The following ZDHHC6 variants were observed in gnomAD, a reference collection of about 807,000 sequenced individuals.
The protein encoded by ZDHHC6 is palmitoyltransferase ZDHHC6.
Under a neutral mutation model 57.8 loss-of-function variants are expected in ZDHHC6, and 32 were observed. The observed-to-expected ratio is 0.55, with a 90% CI of 0.42 to 0.74. The LOEUF (loss-of-function observed/expected upper bound fraction) is 0.74. ZDHHC6 is among the 30% of genes least tolerant of loss of function. The pLI is 0.00. For missense variants in ZDHHC6, 433 were observed against 500.7 expected (o/e 0.86, Z 1.29); for synonymous variants, 128 against 158.0 (o/e 0.81, Z 1.42).
At chr10:112,438,914 T>C (rs1225027950) in intron 5 of ZDHHC6, among the ~76,000 whole-genome samples, 1 of 152,226 alleles carries the variant, frequency 6.6e-6, no homozygotes, top group Non-Finnish European at 1.5e-5. Context: ...TCCACATATA[T>C]AGGCTTTTAT....
At chr10:112,439,460 G>A (rs1039072966) in intron 5 of ZDHHC6, among the ~76,000 whole-genome samples, 8 of 151,134 alleles carry the variant, frequency 5.3e-5, no homozygotes, top group African/African-American at 9.7e-5. Flanking sequence ...GTGAAACCCC[G>A]TCTCCACTAA....
At chr10:112,447,098 T>G, upstream of ZDHHC6, 4 of 454,224 alleles carry the variant, frequency 8.8e-6, no homozygotes, top group Non-Finnish European at 8.2e-6. Flanking sequence ...TTCATACGCT[T>G]TTCTGGGGGG....
rs1450130067 is a variant in ZDHHC6, at chr10:112,439,090, G to C, written c.682-701C>G. ...TAAAGTCTGGCTGTGCCTTCAGAGA[G>C]ACAGTGTAGTATGTTAGAAACAGCC... On this transcript the variant is annotated intron_variant, in intron 5 of 10. Coordinates refer to ENST00000369405, the MANE Select transcript of ZDHHC6 (RefSeq NM_022494.3). 3.9e-5 allele frequency among the ~76,000 whole-genome samples: 6 copies of C among 152,298 alleles called. No individual in the cohort carries two copies. In the South Asian group the frequency reaches 8.3e-4, roughly 21 times the overall value.
intron 8 of ZDHHC6, among the ~76,000 whole-genome samples, chr10:112,433,034 A>T (rs1238279564): frequency 1.3e-5 from 2 of 152,232 alleles, no homozygotes; most frequent in Admixed American, 6.5e-5. Context: ...TTGGCAATAT[A>T]AATGGACTAA....
At chr10:112,425,559 T>C (rs1436450038), downstream of ZDHHC6, 3 of 1,243,766 alleles carry the variant, frequency 2.4e-6, no homozygotes, top group South Asian at 2.2e-5. Context: ...ATTTGTATAG[T>C]TGGGTTCAGA....
At chr10:112,426,291 G>T, downstream of ZDHHC6, 1 of 1,614,154 alleles carries the variant, frequency 6.2e-7, no homozygotes, top group Non-Finnish European at 8.5e-7. Context: ...TCCTGACACA[G>T]ATGTACTTCC....
chr10:112,443,463 A>C (rs1156302627), intron 3 of ZDHHC6, 52 bp downstream of exon 3: 6 of 1,485,316 alleles, frequency 4.0e-6, no homozygotes, highest in Non-Finnish European at 5.6e-6. Flanking sequence ...AACAATGAAA[A>C]CATCAGTAAT....
At chr10:112,426,463 C>G, downstream of ZDHHC6, 2 of 929,152 alleles carry the variant, frequency 2.2e-6, no homozygotes. Flanking sequence ...GCAGCCCAAA[C>G]AGACTGAATA....
In ZDHHC6 at chr10:112,432,364, C is replaced by G. The variant is rs372568595; in HGVS notation, c.1091+12G>C. 6.2e-7 allele frequency: 1 copy of G among 1,613,654 alleles called. No individual in the cohort carries two copies. The highest frequency in any genetic ancestry group is 1.1e-5 in the South Asian group (1 of 90,926). Reference sequence around the variant, plus strand: ...TCCTTGAAGAAGAAATGCAGTACTTCCTATTACTTACCGTAAACCTCTTGT... The same window carrying G: ...TCCTTGAAGAAGAAATGCAGTACTTGCTATTACTTACCGTAAACCTCTTGT... On this transcript the variant is annotated intron_variant, in intron 9 of 10. Transcript: ENST00000369405.
At chr10:112,427,014 G>A (rs184907357), downstream of ZDHHC6, among the ~76,000 whole-genome samples, 56 of 152,164 alleles carry the variant, frequency 3.7e-4, no homozygotes, top group Admixed American at 9.2e-4. Flanking sequence ...CTTGTACAGC[G>A]CCCTTTTTTT....
Position 112,439,554 on chromosome 10 carries a change from C to T in ZDHHC6, c.681+980G>A, listed in dbSNP as rs182107044. 2.1e-4 allele frequency among the ~76,000 whole-genome samples: 29 copies of T among 136,958 alleles called. No homozygotes were observed. In the East Asian group the frequency reaches 5.4e-3, roughly 25 times the overall value. 89.8% of individuals were successfully genotyped at this position (136,958 alleles called of 152,430 possible). A position where few individuals can be genotyped will look rare whatever the true frequency, so the allele number is the denominator to read the frequency against. On this transcript the variant is annotated intron_variant, in intron 5 of 10. Coordinates refer to ENST00000369405, the MANE Select transcript of ZDHHC6 (RefSeq NM_022494.3). Reference sequence around the variant, plus strand: ...GCTGAGGCAGAGAACTGCTTAAACCCGGAAGGCGGAGGTTGCAGTGAGCTG... The same window carrying T: ...GCTGAGGCAGAGAACTGCTTAAACCTGGAAGGCGGAGGTTGCAGTGAGCTG...
At chr10:112,434,610 T>C (rs1053483065) in intron 6 of ZDHHC6, 146 bp from the exon 7 acceptor site, 15 of 763,472 alleles carry the variant, frequency 2.0e-5, no homozygotes, top group African/African-American at 5.4e-5. Flanking sequence ...ATGGAAGCAA[T>C]AGACAACTTC....
chr10:112,440,544 A>T lies in ZDHHC6; in HGVS notation c.671T>A (p.Phe224Tyr). 6.2e-7 allele frequency: 1 copy of T among 1,613,312 alleles called. No homozygotes were observed. The highest frequency in any genetic ancestry group is 8.5e-7 in the Non-Finnish European group (1 of 1,179,526). Residue 224 changes from phenylalanine to tyrosine, a missense_variant, in exon 5 of 11, where the codon TTT becomes TAT. Coordinates refer to ENST00000369405, the MANE Select transcript of ZDHHC6 (RefSeq NM_022494.3). ...LGTTIAVGML[F>Y]FIQMKIILRN... Reference sequence around the variant, plus strand: ...AATTGAGATGCTTACCTGGATAAAAAACAACATCCCAACAGCTATGGTTGT... The same window carrying T: ...AATTGAGATGCTTACCTGGATAAAATACAACATCCCAACAGCTATGGTTGT...
chr10:112,432,666 CA>C (rs1845154476), intron 8 of ZDHHC6, 145 bp from the exon 9 acceptor site: 2 of 981,786 alleles, frequency 2.0e-6, no homozygotes, highest in African/African-American at 3.3e-5. Context: ...CCCAGTTCCC[CA>C]TCCACCTAGT....
chr10:112,440,386 G>C (rs370439472), intron 5 of ZDHHC6, 148 bp downstream of exon 5: 11 of 841,988 alleles, frequency 1.3e-5, no homozygotes, highest in Non-Finnish European at 1.9e-5. Context: ...ATTATCTGAC[G>C]AATACAAAGG....
Position 112,445,371 on chromosome 10 carries a change from C to A in ZDHHC6, c.66G>T (p.Trp22Cys). The change falls in exon 2 of 11, where the codon TGG (tryptophan) becomes TGT (cysteine). Residue 22 changes from tryptophan (W) to cysteine (C), a missense_variant. Physicochemically the swap from Trp to Cys is radical, Grantham distance 215. Coordinates refer to ENST00000369405, the MANE Select transcript of ZDHHC6 (RefSeq NM_022494.3). Reference sequence around the variant, plus strand: ...TAACACCAAGGGCTATGATGGGACCCCAGTGACACAGTCTCTTTAATTCTT... The same window carrying A: ...TAACACCAAGGGCTATGATGGGACCACAGTGACACAGTCTCTTTAATTCTT... The part of the protein sequence containing the change: ...NLQELKRLCH[W>C]GPIIALGVIA... The A allele has an allele frequency of 6.2e-7, 1 of 1,614,150 alleles. No individual in the cohort carries two copies. Among genetic ancestry groups the A allele is most frequent in the Non-Finnish European group, 8.5e-7 (1 of 1,180,024 alleles).
In ZDHHC6 at chr10:112,432,562, A is replaced by G. The variant is rs777976814; in HGVS notation, c.946-41T>C. On this transcript the variant is annotated intron_variant, in intron 8 of 10. Transcript: ENST00000369405. ...AGAAGAAACCTTTAAATATTCACCC[A>G]TGATATCTGAGTTTTAAGTCTGAAT... 43 of 1,582,576 alleles carry G rather than the reference A, an allele frequency of 2.7e-5. 1 individual carries two copies. In the South Asian group the frequency reaches 4.9e-4, roughly 18 times the overall value.
downstream of ZDHHC6, chr10:112,427,507 A>G (rs1221353999): frequency 3.1e-6 from 2 of 635,460 alleles, no homozygotes; most frequent in Non-Finnish European, 4.9e-6. Flanking sequence ...ATATTGAGAC[A>G]TATAATGTGT....
chr10:112,430,313 C>G lies in ZDHHC6; in HGVS notation c.*491G>C, dbSNP rs1844909639. On this transcript the variant is annotated 3_prime_UTR_variant, in exon 11 of 11. Transcript: ENST00000369405. ...AGTAAAAACTGATTATACCCAACAT[C>G]CATTGATCTTTATTTGATTTGACAA... is the stretch of plus-strand genomic sequence containing the variant. 6.6e-6 allele frequency: 1 copy of G among 152,264 alleles called. No individual in the cohort carries two copies. Among genetic ancestry groups the G allele is most frequent in the Non-Finnish European group, 1.5e-5 (1 of 68,092 alleles). The allele number at this position is 152,264 out of a possible 1,614,324, so 9.4% of individuals were successfully genotyped here.
Sources: allele counts gnomAD v4.1 joint callset (sites outside exome capture counted in the v4.1 genomes callset), GRCh38; gene constraint gnomAD v4.1.1; transcripts MANE v1.5; gene names NCBI Gene and HGNC (gene_info 2026-07-23, HGNC 2026-07-21).